Variants in TRPC5 observed in about 807,000 individuals in gnomAD.
TRPC5 encodes the protein short transient receptor potential channel 5.
A neutral mutation model predicts 56.5 loss-of-function variants in TRPC5; 9 were observed. The ratio of observed to expected loss-of-function variants is 0.16; its 90% confidence interval spans 0.10 to 0.28. The LOEUF (loss-of-function observed/expected upper bound fraction) is 0.28. TRPC5 is among the 10% of genes least tolerant of loss of function. The pLI is 1.00. For missense variants in TRPC5, 469 were observed against 748.9 expected, an observed-to-expected ratio of 0.63 and a Z score of 4.36; for synonymous variants, 282 against 278.5, an observed-to-expected ratio of 1.01 and a Z score of -0.13.
At chrX:112,025,788 T>G (rs1929398048) in intron 1 of TRPC5, among the ~76,000 whole-genome samples, 2 of 111,254 alleles carry the variant, frequency 1.8e-5, no homozygotes, top group African/African-American at 6.6e-5. Context: ...ATAATGCCCA[T>G]GGACCTTAAT....
At chrX:111,846,052 CTGTTT>C (rs1198798756) in intron 6 of TRPC5, among the ~76,000 whole-genome samples, 1 of 111,797 alleles carries the variant, frequency 8.9e-6, no homozygotes, top group East Asian at 2.8e-4. Flanking sequence ...CTAGATAGCA[CTGTTT>C]TGTTTTGTTT....
intron 6 of TRPC5, among the ~76,000 whole-genome samples, chrX:111,842,913 A>G (rs1241815166): frequency 8.9e-6 from 1 of 112,452 alleles, no homozygotes; most frequent in African/African-American, 3.2e-5. Context: ...TAGATTATCT[A>G]TAATTAAAGA....
At chrX:111,778,364 A>T (rs1382800524) in intron 10 of TRPC5, among the ~76,000 whole-genome samples, 1 of 111,645 alleles carries the variant, frequency 9.0e-6, no homozygotes, top group East Asian at 2.8e-4. Context: ...CACTATTGAC[A>T]TGTTGGACTG....
chrX:111,880,038 ATC>A (rs752397936), intron 3 of TRPC5, among the ~76,000 whole-genome samples: 60 of 110,671 alleles, frequency 5.4e-4, no homozygotes, highest in Admixed American at 1.5e-3. Context: ...GTTAGGAAAA[ATC>A]TCTGTTTTCA....
At chrX:111,942,911 C>G (rs1926818936) in intron 2 of TRPC5, among the ~76,000 whole-genome samples, 2 of 111,544 alleles carry the variant, frequency 1.8e-5, no homozygotes, top group Non-Finnish European at 3.8e-5. Flanking sequence ...AATTATTAAC[C>G]ACTATGTGCT....
chrX:111,806,675 A>G (rs1921523581), intron 7 of TRPC5, among the ~76,000 whole-genome samples: 1 of 112,014 alleles, frequency 8.9e-6, no homozygotes, highest in Non-Finnish European at 1.9e-5. Flanking sequence ...TATATTTTTC[A>G]TGGTGTACAA....
At chrX:111,854,289 T>C (rs1923163770) in intron 3 of TRPC5, among the ~76,000 whole-genome samples, 183 bp from the exon 4 acceptor site, 1 of 111,979 alleles carries the variant, frequency 8.9e-6, no homozygotes, top group African/African-American at 3.3e-5. Flanking sequence ...CATGTCAAAC[T>C]ATGAAACTAG....
At chrX:111,950,141 A>G (rs758648847) in intron 2 of TRPC5, among the ~76,000 whole-genome samples, 83 of 111,045 alleles carry the variant, frequency 7.5e-4, no homozygotes, top group South Asian at 5.4e-3. Context: ...TGGCTAACAC[A>G]GTGAAACCCT....
chrX:111,981,501 C>T (rs1928081798), intron 1 of TRPC5, among the ~76,000 whole-genome samples: 1 of 111,778 alleles, frequency 8.9e-6, no homozygotes, highest in Non-Finnish European at 1.9e-5. Flanking sequence ...TCTTGGCGCC[C>T]TATGGCCCAG....
At chrX:111,984,276 C>T (rs957874773) in intron 1 of TRPC5, among the ~76,000 whole-genome samples, 4 of 111,649 alleles carry the variant, frequency 3.6e-5, no homozygotes, top group Admixed American at 9.6e-5. Context: ...ATCATTGGTT[C>T]GGCTGGGTGA....
At chrX:112,073,241 G>A (rs1455831297) in intron 1 of TRPC5, among the ~76,000 whole-genome samples, 3 of 110,931 alleles carry the variant, frequency 2.7e-5, no homozygotes, top group Non-Finnish European at 5.7e-5. Flanking sequence ...GATTTTACAT[G>A]TATTTCTTAG....
chrX:112,039,421 G>A (rs1425751944), intron 1 of TRPC5, among the ~76,000 whole-genome samples: 1 of 111,678 alleles, frequency 9.0e-6, no homozygotes, highest in Admixed American at 9.5e-5. Flanking sequence ...ACATTAGACA[G>A]CAAGGGGTAG....
intron 1 of TRPC5, among the ~76,000 whole-genome samples, chrX:112,023,800 G>C (rs1404030840): frequency 9.0e-6 from 1 of 111,390 alleles, no homozygotes; most frequent in Admixed American, 9.6e-5. Context: ...CATGGCTTAT[G>C]GTTCCCTTGC....
intron 2 of TRPC5, among the ~76,000 whole-genome samples, chrX:111,915,144 T>G (rs1428922494): frequency 9.0e-6 from 1 of 111,294 alleles, no homozygotes; most frequent in Non-Finnish European, 1.9e-5. Context: ...TCTAAGGCAG[T>G]GCTGCCAGTC....
chrX:112,014,683 A>G (rs1218969486), intron 1 of TRPC5, among the ~76,000 whole-genome samples: 1 of 111,813 alleles, frequency 8.9e-6, no homozygotes, highest in Non-Finnish European at 1.9e-5. Flanking sequence ...TCCCCTTCTC[A>G]AACTGGTAAT....
At chrX:112,072,571 C>A (rs1183843513) in intron 1 of TRPC5, among the ~76,000 whole-genome samples, 1 of 111,703 alleles carries the variant, frequency 9.0e-6, no homozygotes, top group Non-Finnish European at 1.9e-5. Context: ...TCACCTCACC[C>A]TAACCTGCTA....
intron 1 of TRPC5, among the ~76,000 whole-genome samples, chrX:112,066,411 C>G (rs1292032604): frequency 8.9e-5 from 10 of 111,831 alleles, no homozygotes; most frequent in Non-Finnish European, 5.6e-5. Flanking sequence ...CTGGCCCTGG[C>G]CTTCATGGTG....
intron 7 of TRPC5, among the ~76,000 whole-genome samples, chrX:111,805,398 A>G (rs777663768): frequency 1.8e-5 from 2 of 111,073 alleles, no homozygotes; most frequent in African/African-American, 6.5e-5. Flanking sequence ...ATCTTTTTCT[A>G]TTGATTGGAC....
At chrX:111,805,961 A>T (rs185307973) in intron 7 of TRPC5, among the ~76,000 whole-genome samples, 6 of 111,491 alleles carry the variant, frequency 5.4e-5, no homozygotes, top group African/African-American at 1.3e-4. Flanking sequence ...CACTTGGCCA[A>T]TATTTTCTAT....
Sources: gnomAD v4.1 joint callset for allele counts (sites outside exome capture counted in the v4.1 genomes callset) on GRCh38, gnomAD v4.1.1 for gene constraint, MANE v1.5 for transcripts, NCBI Gene and HGNC (gene_info 2026-07-23, HGNC 2026-07-21) for gene names.